ASCC3: variants seen among roughly 807,000 people sequenced by gnomAD.
ASCC3 encodes the protein ASC-1 complex subunit P200.
A neutral mutation model predicts 256.3 loss-of-function variants in ASCC3; 158 were observed. That is an observed-to-expected ratio of 0.62 (90% CI 0.54 to 0.70). The LOEUF (loss-of-function observed/expected upper bound fraction) is 0.70, where lower values mean the gene tolerates loss of function less well. ASCC3 is among the 30% of genes least tolerant of loss of function. ASCC3 has a pLI of 0.00. For missense variants in ASCC3, 2,259 were observed against 2,626.0 expected, an observed-to-expected ratio of 0.86 and a Z score of 3.05; for synonymous variants, 948 against 883.4, an observed-to-expected ratio of 1.07 and a Z score of -1.30.
intron 25 of ASCC3, among the ~76,000 whole-genome samples, chr6:100,637,671 T>C (rs1437071305): frequency 6.6e-6 from 1 of 151,960 alleles, no homozygotes; most frequent in Non-Finnish European, 1.5e-5. Flanking sequence ...GGTCAAAATA[T>C]CAACATTAAC....
At chr6:100,805,166 A>C (rs1257818266) in intron 5 of ASCC3, among the ~76,000 whole-genome samples, 1 of 152,180 alleles carries the variant, frequency 6.6e-6, no homozygotes, top group Non-Finnish European at 1.5e-5. Flanking sequence ...ACAGTTAAAG[A>C]ACCATTAGAA....
At chr6:100,535,218 T>C (rs139771708) in intron 37 of ASCC3, among the ~76,000 whole-genome samples, 2 of 152,004 alleles carry the variant, frequency 1.3e-5, no homozygotes, top group East Asian at 2.0e-4. Context: ...ATGAGAGAGG[T>C]AGTATAATTT....
intron 4 of ASCC3, among the ~76,000 whole-genome samples, chr6:100,823,542 T>C (rs1174706128): frequency 6.6e-6 from 1 of 152,218 alleles, no homozygotes; most frequent in East Asian, 1.9e-4. Flanking sequence ...ATGCTTTTCC[T>C]GGTAGAAATT....
At chr6:100,684,145 T>C (rs2114972260) in intron 13 of ASCC3, among the ~76,000 whole-genome samples, 1 of 152,328 alleles carries the variant, frequency 6.6e-6, no homozygotes, top group Non-Finnish European at 1.5e-5. Flanking sequence ...AAGAAGGACA[T>C]ATTATTTGAA....
At chr6:100,824,072 C>T (rs1475200734) in intron 4 of ASCC3, among the ~76,000 whole-genome samples, 1 of 152,096 alleles carries the variant, frequency 6.6e-6, no homozygotes, top group African/African-American at 2.4e-5. Flanking sequence ...CATAAATCTA[C>T]AAACTGGGTT....
intron 4 of ASCC3, among the ~76,000 whole-genome samples, chr6:100,834,987 A>C (rs545319240): frequency 6.6e-6 from 1 of 152,232 alleles, no homozygotes; most frequent in East Asian, 1.9e-4. Context: ...ACACAGAATA[A>C]TTTCCAAATT....
Position 100,518,133 on chromosome 6 carries a change from C to G in ASCC3, c.5785G>C (p.Asp1929His). The G allele has an allele frequency of 3.1e-6, 5 of 1,613,452 alleles. No individual in the cohort carries two copies. The highest frequency in any genetic ancestry group is 4.2e-6 in the Non-Finnish European group (5 of 1,179,624). ...QALRVCQAML[D>H]VAANQGWLVT... Reference sequence around the variant, plus strand: ...AGCCAGCCCTGGTTTGCAGCCACGTCCAGCATTGCCTGAACAGGGAAAATG... The same window carrying G: ...AGCCAGCCCTGGTTTGCAGCCACGTGCAGCATTGCCTGAACAGGGAAAATG... Residue 1929 changes from aspartate (D) to histidine (H), a missense_variant, in exon 38 of 42, where the codon GAC becomes CAC. Asp to His is a moderately conservative substitution (Grantham distance 81). This residue lies in a region of ASCC3 where 1,839 missense variants were observed against 2,206.7 expected (regional missense o/e 0.83). Coordinates refer to ENST00000369162, the MANE Select transcript of ASCC3 (RefSeq NM_006828.4).
chr6:100,604,324 T>G (rs561537997), intron 33 of ASCC3, among the ~76,000 whole-genome samples: 9 of 151,330 alleles, frequency 5.9e-5, no homozygotes, highest in African/African-American at 1.4e-4. Flanking sequence ...ACTTTTGGTG[T>G]TGTTGATTTT....
intron 18 of ASCC3, 145 bp downstream of exon 18, chr6:100,652,579 CT>C: frequency 2.4e-6 from 2 of 844,978 alleles, no homozygotes; most frequent in Non-Finnish European, 3.6e-6. Context: ...TTTTTCTTGT[CT>C]TTACTGAGGG....
In ASCC3 at chr6:100,629,045, T is replaced by C. The variant is rs764889574; in HGVS notation, c.4345A>G (p.Ile1449Val). The C allele has an allele frequency of 3.0e-5, 48 of 1,613,730 alleles. No homozygotes were observed. In the Middle Eastern group the frequency reaches 6.7e-4, roughly 22 times the overall value. ...AGATGGATCTCATCTATGATGAGAA[T>C]AGTGACTTGCTGAACATAGTTCCTA... The part of the protein sequence containing the change: ...QNRNYVQQVT[I>V]LIIDEIHLLG... Residue 1449 changes from isoleucine to valine, a missense_variant, in exon 27 of 42, where the codon ATT becomes GTT. Physicochemically the swap from Ile to Val is conservative, Grantham distance 29. Around this residue, in one of 2 missense-constraint regions of ASCC3, gnomAD observed 1,839 missense variants for 2,206.7 expected, o/e 0.83. Transcript: ENST00000369162.
intron 10 of ASCC3, among the ~76,000 whole-genome samples, chr6:100,753,381 G>T (rs1363141960): frequency 1.3e-5 from 2 of 149,978 alleles, no homozygotes; most frequent in African/African-American, 4.9e-5. Flanking sequence ...TAAAATTAAA[G>T]TGATATTTAT....
At chr6:100,810,495 T>C (rs1211156198) in intron 4 of ASCC3, among the ~76,000 whole-genome samples, 1 of 152,172 alleles carries the variant, frequency 6.6e-6, no homozygotes, top group East Asian at 1.9e-4. Flanking sequence ...AGACATGTTG[T>C]ATTCGTAACA....
At chr6:100,838,714 T>C (rs1771996790) in intron 4 of ASCC3, among the ~76,000 whole-genome samples, 1 of 152,070 alleles carries the variant, frequency 6.6e-6, no homozygotes, top group Non-Finnish European at 1.5e-5. Flanking sequence ...CAAAGCTAGG[T>C]ACCACTACAT....
At chr6:100,625,079 G>A in intron 30 of ASCC3, 113 bp downstream of exon 30, 1 of 1,197,550 alleles carries the variant, frequency 8.4e-7, no homozygotes, top group East Asian at 2.5e-5. Flanking sequence ...GTGGTAAGGT[G>A]GCGGTATTAT....
intron 4 of ASCC3, among the ~76,000 whole-genome samples, chr6:100,813,615 G>T (rs1413062424): frequency 6.6e-6 from 1 of 151,938 alleles, no homozygotes; most frequent in Non-Finnish European, 1.5e-5. Flanking sequence ...CCATTATACA[G>T]GGCGTCTGTG....
chr6:100,689,094 T>C (rs1193467219), intron 13 of ASCC3, among the ~76,000 whole-genome samples: 34 of 152,178 alleles, frequency 2.2e-4, no homozygotes, highest in Admixed American at 2.0e-3. Flanking sequence ...ACTGCATCTG[T>C]GTAAATTCTA....
Position 100,538,387 on chromosome 6 carries a change from C to T in ASCC3, c.5775+1776G>A, listed in dbSNP as rs957285803. Among the ~76,000 whole-genome samples the T allele has an allele frequency of 9.2e-5, 14 of 152,206 alleles. No homozygotes were observed. In the South Asian group the frequency reaches 2.3e-3, roughly 25 times the overall value. ...TACAAAAGAGTGTAAAAACGTGTTA[C>T]ATGTTTATTATAGCCTTACTTCCCT... On this transcript the variant is annotated intron_variant, in intron 37 of 41. Transcript: ENST00000369162.
intron 22 of ASCC3, among the ~76,000 whole-genome samples, chr6:100,644,932 A>G (rs1431304073): frequency 2.0e-5 from 3 of 152,206 alleles, no homozygotes; most frequent in African/African-American, 7.2e-5. Flanking sequence ...ATGGGTGAAA[A>G]GTTCCTGGTC....
intron 10 of ASCC3, among the ~76,000 whole-genome samples, chr6:100,763,676 G>C (rs1781515525): frequency 6.6e-6 from 1 of 152,186 alleles, no homozygotes; most frequent in Non-Finnish European, 1.5e-5. Context: ...ACCAATCTTT[G>C]ATCATGTGTA....
Sources: gnomAD v4.1 joint callset for allele counts (sites outside exome capture counted in the v4.1 genomes callset) on GRCh38, gnomAD v4.1.1 for gene constraint, gnomAD v4.1.1 regional missense constraint, MANE v1.5 for transcripts, NCBI Gene and HGNC (gene_info 2026-07-23, HGNC 2026-07-21) for gene names.